The following RFX3 variants were observed in gnomAD, a reference collection of about 807,000 sequenced individuals.
The protein encoded by RFX3 is transcription factor RFX3.
In RFX3, 14 loss-of-function variants were observed where a neutral mutation model predicts 98.6. That is an observed-to-expected ratio of 0.14 (90% CI 0.09 to 0.22). The LOEUF (loss-of-function observed/expected upper bound fraction) is 0.22. Among genes scored for constraint, RFX3 ranks in the 10% least tolerant of loss-of-function variants. The pLI, the probability that RFX3 is intolerant of heterozygous loss-of-function variation, is 1.00. For missense variants in RFX3, 639 were observed against 926.9 expected (o/e 0.69, Z 4.03); for synonymous variants, 383 against 328.4 (o/e 1.17, Z -1.80).
intron 7 of RFX3, among the ~76,000 whole-genome samples, chr9:3,284,678 G>A (rs72699031): frequency 0.027 from 4,050 of 151,684 alleles, 98 homozygotes; most frequent in Middle Eastern, 0.12. Context: ...ACAAACTGTT[G>A]TACTGAATAA....
At chr9:3,264,694 T>G (rs910846550) in intron 12 of RFX3, among the ~76,000 whole-genome samples, 4 of 152,242 alleles carry the variant, frequency 2.6e-5, no homozygotes, top group African/African-American at 4.8e-5. Context: ...CTGGGCATTT[T>G]GATTCCAAAA....
At chr9:3,262,519 A>G (rs1296244025) in intron 13 of RFX3, among the ~76,000 whole-genome samples, 1 of 152,224 alleles carries the variant, frequency 6.6e-6, no homozygotes. Flanking sequence ...GTCATGGTAC[A>G]AATTATTAAA....
At chr9:3,355,093 A>C (rs1835593780) in intron 2 of RFX3, among the ~76,000 whole-genome samples, 1 of 151,906 alleles carries the variant, frequency 6.6e-6, no homozygotes, top group African/African-American at 2.4e-5. Flanking sequence ...CTAAAGAAAA[A>C]AATAATGAAG....
chr9:3,304,318 G>C (rs952375621), intron 4 of RFX3, among the ~76,000 whole-genome samples: 4 of 151,842 alleles, frequency 2.6e-5, no homozygotes, highest in Non-Finnish European at 5.9e-5. Flanking sequence ...TTAAAAAACA[G>C]TTTCTTTTCT....
intron 15 of RFX3, among the ~76,000 whole-genome samples, chr9:3,236,482 G>A (rs763134201): frequency 4.6e-5 from 7 of 152,198 alleles, no homozygotes; most frequent in African/African-American, 1.7e-4. Context: ...TGGTCCTCTG[G>A]ACAGTTTCAT....
intron 4 of RFX3, among the ~76,000 whole-genome samples, chr9:3,321,190 C>T (rs1264859732): frequency 6.6e-6 from 1 of 152,102 alleles, no homozygotes; most frequent in Non-Finnish European, 1.5e-5. Flanking sequence ...ACACGTGAGC[C>T]ACCGCCCCCG....
chr9:3,259,486 C>G (rs1437482093), intron 13 of RFX3, among the ~76,000 whole-genome samples: 6 of 139,016 alleles, frequency 4.3e-5, no homozygotes, highest in African/African-American at 1.6e-4. Context: ...GCTAAGGACA[C>G]TTAGAGATGT....
chr9:3,228,460 T>C (rs954625926), intron 16 of RFX3, among the ~76,000 whole-genome samples: 1 of 152,180 alleles, frequency 6.6e-6, no homozygotes, highest in Non-Finnish European at 1.5e-5. Flanking sequence ...TAGGAACTGG[T>C]GAGGTAGGTG....
intron 1 of RFX3, among the ~76,000 whole-genome samples, chr9:3,521,895 T>G (rs932591476): frequency 6.6e-6 from 1 of 152,170 alleles, no homozygotes; most frequent in Non-Finnish European, 1.5e-5. Flanking sequence ...GTGTACTTTT[T>G]CTGGATTCAA....
chr9:3,438,811 A>C (rs1024126500), intron 1 of RFX3, among the ~76,000 whole-genome samples: 2 of 152,046 alleles, frequency 1.3e-5, no homozygotes, highest in African/African-American at 4.8e-5. Context: ...CATAATGATA[A>C]AGTGATCAAT....
chr9:3,326,214 G>A (rs925808622), intron 4 of RFX3, among the ~76,000 whole-genome samples: 1 of 151,934 alleles, frequency 6.6e-6, no homozygotes, highest in Non-Finnish European at 1.5e-5. Context: ...CATATAAAAG[G>A]AAACAGTAAA....
intron 1 of RFX3, among the ~76,000 whole-genome samples, chr9:3,490,776 C>G (rs2133497866): frequency 6.6e-6 from 1 of 152,192 alleles, no homozygotes; most frequent in East Asian, 1.9e-4. Context: ...TAGCAGCTGA[C>G]ATGCATTTGC....
At chr9:3,379,417 GT>G (rs893516051) in intron 2 of RFX3, among the ~76,000 whole-genome samples, 12 of 148,484 alleles carry the variant, frequency 8.1e-5, no homozygotes, top group East Asian at 1.9e-4. Flanking sequence ...ATGAAGTTGG[GT>G]TTTTTTTTTA....
chr9:3,266,838 A>C (rs568367200), intron 11 of RFX3, among the ~76,000 whole-genome samples: 2 of 152,174 alleles, frequency 1.3e-5, no homozygotes, highest in South Asian at 4.1e-4. Flanking sequence ...GTAAAAATTA[A>C]AATTGTCTGA....
intron 1 of RFX3, among the ~76,000 whole-genome samples, chr9:3,465,029 G>C (rs1358650120): frequency 6.6e-6 from 1 of 152,024 alleles, no homozygotes; most frequent in East Asian, 1.9e-4. Context: ...GATATATAAG[G>C]ACCTGTTCCT....
chr9:3,376,690 C>T (rs1045044147), intron 2 of RFX3, among the ~76,000 whole-genome samples: 2 of 152,058 alleles, frequency 1.3e-5, no homozygotes, highest in South Asian at 2.1e-4. Flanking sequence ...TTGCAATCTA[C>T]TCATCTGACA....
At chr9:3,273,810 A>G (rs1028677001) in intron 9 of RFX3, among the ~76,000 whole-genome samples, 4 of 150,626 alleles carry the variant, frequency 2.7e-5, no homozygotes, top group East Asian at 2.0e-4. Context: ...GGTTGCAGTG[A>G]GCCGAGATCG....
At position 3,221,917 on chromosome 9, in the gene RFX3, G is replaced by T. The variant is rs1037477556; in HGVS notation, c.*3125C>A. On this transcript the variant is annotated 3_prime_UTR_variant, in exon 17 of 17. Transcript: ENST00000617270. ...TAGGTATATTTCATGACTAGTGATT[G>T]GTTATAATTGCAAGAAATACAAAGA... is the stretch of plus-strand genomic sequence containing the variant. 7 of 152,090 alleles carry T rather than the reference G, an allele frequency of 4.6e-5. No homozygotes were observed. Among genetic ancestry groups the T allele is most frequent in the African/African-American group, 1.7e-4 (7 of 41,422 alleles). The allele number at this position is 152,090 out of a possible 1,614,324, so 9.4% of individuals were successfully genotyped here. A position where few individuals can be genotyped will look rare whatever the true frequency, so the allele number is the denominator to read the frequency against.
In RFX3 at chr9:3,277,427, C is replaced by T. The variant is rs1277516121; in HGVS notation, c.886G>A (p.Asp296Asn). 1 of 1,612,574 alleles carries T rather than the reference C, an allele frequency of 6.2e-7. No individual in the cohort carries two copies. The highest frequency in any genetic ancestry group is 8.5e-7 in the Non-Finnish European group (1 of 1,178,948). Residue 296 changes from aspartate (D) to asparagine (N), a missense_variant, in exon 8 of 17, where the codon GAT becomes AAT. Asp to Asn is a conservative substitution (Grantham distance 23). This residue lies in a region of RFX3 where 86 missense variants were observed against 113.2 expected (regional missense o/e 0.76). Coordinates refer to ENST00000617270, the MANE Select transcript of RFX3 (RefSeq NM_001282116.2). ...KPMQKVDGVA[D>N]GFTGSGQQTG... ...TGTTGACCACTTCCTGTGAAACCAT[C>T]TGCAACCCCATCCACTTTCTGCATA...
Sources: gnomAD v4.1 joint callset for allele counts (sites outside exome capture counted in the v4.1 genomes callset) on GRCh38, gnomAD v4.1.1 for gene constraint, gnomAD v4.1.1 regional missense constraint, MANE v1.5 for transcripts, NCBI Gene and HGNC (gene_info 2026-07-23, HGNC 2026-07-21) for gene names.